The following CNTNAP2 variants were observed in gnomAD, a reference collection of about 807,000 sequenced individuals.
The protein encoded by CNTNAP2 is contactin-associated protein-like 2.
In CNTNAP2, 98 loss-of-function variants were observed where a neutral mutation model predicts 155.2. The observed-to-expected ratio is 0.63, with a 90% CI of 0.54 to 0.75. The LOEUF is 0.75. Ranked by LOEUF, CNTNAP2 falls within the 30% of genes least tolerant of loss-of-function variation. The pLI is 0.00. For missense variants in CNTNAP2, 1,727 were observed against 1,688.1 expected (o/e 1.02, Z -0.40); for synonymous variants, 651 against 631.2 (o/e 1.03, Z -0.47).
intron 1 of CNTNAP2, among the ~76,000 whole-genome samples, chr7:146,592,379 T>C (rs2129149719): frequency 6.6e-6 from 1 of 152,352 alleles, no homozygotes; most frequent in East Asian, 1.9e-4. Context: ...TTACTGCCTG[T>C]GGACCAGATG....
chr7:147,199,599 T>A (rs1802880799), intron 8 of CNTNAP2, among the ~76,000 whole-genome samples: 1 of 149,908 alleles, frequency 6.7e-6, no homozygotes, highest in Non-Finnish European at 1.5e-5. Context: ...TAGAATGGGT[T>A]TTTTTTTTTC....
chr7:146,176,577 T>G (rs1798473744), intron 1 of CNTNAP2, among the ~76,000 whole-genome samples: 1 of 152,264 alleles, frequency 6.6e-6, no homozygotes, highest in Admixed American at 6.5e-5. Flanking sequence ...TCAGAAATTC[T>G]CCATGAAGCT....
intron 15 of CNTNAP2, among the ~76,000 whole-genome samples, chr7:148,086,350 A>G (rs1803729242): frequency 6.6e-6 from 1 of 152,216 alleles, no homozygotes; most frequent in Non-Finnish European, 1.5e-5. Context: ...TCTATAGGTT[A>G]CTTATCTACT....
At chr7:146,646,423 A>C (rs749087393) in intron 1 of CNTNAP2, among the ~76,000 whole-genome samples, 1 of 152,212 alleles carries the variant, frequency 6.6e-6, no homozygotes, top group Non-Finnish European at 1.5e-5. Context: ...GGGTTCAGGT[A>C]TAAATAAATC....
At chr7:147,237,758 CAT>C (rs1464091487) in intron 8 of CNTNAP2, among the ~76,000 whole-genome samples, 1 of 152,176 alleles carries the variant, frequency 6.6e-6, no homozygotes, top group Non-Finnish European at 1.5e-5. Context: ...GAAATTCAGT[CAT>C]ATGTACATTT....
intron 3 of CNTNAP2, among the ~76,000 whole-genome samples, chr7:146,935,460 T>C (rs538787123): frequency 7.2e-4 from 109 of 152,330 alleles, no homozygotes; most frequent in African/African-American, 2.4e-3. Flanking sequence ...GTTCACTCCC[T>C]TTGACCCACA....
chr7:146,442,827 CT>C (rs1796339549), intron 1 of CNTNAP2, among the ~76,000 whole-genome samples: 1 of 152,128 alleles, frequency 6.6e-6, no homozygotes, highest in Non-Finnish European at 1.5e-5. Flanking sequence ...AAGCATTCTT[CT>C]TGTCTTGGGT....
At chr7:148,000,141 GGGAA>G (rs1238683846) in intron 15 of CNTNAP2, among the ~76,000 whole-genome samples, 1 of 152,192 alleles carries the variant, frequency 6.6e-6, no homozygotes, top group Admixed American at 6.5e-5. Context: ...AAAGGATAAA[GGGAA>G]GGTACTTCAG....
chr7:146,297,611 G>C (rs1800534745), intron 1 of CNTNAP2, among the ~76,000 whole-genome samples: 1 of 152,100 alleles, frequency 6.6e-6, no homozygotes, highest in Non-Finnish European at 1.5e-5. Context: ...AGTTTTGAAA[G>C]TTTCAGTAAA....
At chr7:147,457,838 T>A (rs1288994628) in intron 10 of CNTNAP2, among the ~76,000 whole-genome samples, 4 of 61,040 alleles carry the variant, frequency 6.6e-5, no homozygotes, top group African/African-American at 3.8e-4. Context: ...TTTCAATGAA[T>A]CAACAAAAAA....
At chr7:148,134,313 G>T (rs1443355204) in intron 16 of CNTNAP2, among the ~76,000 whole-genome samples, 1 of 152,182 alleles carries the variant, frequency 6.6e-6, no homozygotes, top group Non-Finnish European at 1.5e-5. Flanking sequence ...AATAATAGAA[G>T]CAGTGTATAT....
intron 21 of CNTNAP2, among the ~76,000 whole-genome samples, chr7:148,333,243 C>T (rs1443770599): frequency 6.6e-6 from 1 of 152,198 alleles, no homozygotes; most frequent in Non-Finnish European, 1.5e-5. Context: ...GCCTGGCCGA[C>T]ATGGCAAAAC....
At chr7:146,226,178 T>A (rs1305977855) in intron 1 of CNTNAP2, among the ~76,000 whole-genome samples, 1 of 152,212 alleles carries the variant, frequency 6.6e-6, no homozygotes, top group Non-Finnish European at 1.5e-5. Flanking sequence ...CTACTGAGAT[T>A]ACTAGTCTTA....
chr7:148,118,024 A>G (rs1804513280), intron 15 of CNTNAP2, 94 bp from the exon 16 acceptor site: 18 of 1,267,986 alleles, frequency 1.4e-5, no homozygotes, highest in Non-Finnish European at 1.8e-5. Context: ...ACTATTGCTA[A>G]TGGTACTTAT....
intron 13 of CNTNAP2, among the ~76,000 whole-genome samples, chr7:147,807,986 T>A (rs187749340): frequency 0.026 from 3,844 of 146,624 alleles, 118 homozygotes; most frequent in African/African-American, 0.069. Flanking sequence ...CTTTCTTTTT[T>A]AAAAAAAAAA....
At chr7:147,860,554 C>A (rs1215352344) in intron 13 of CNTNAP2, among the ~76,000 whole-genome samples, 1 of 146,898 alleles carries the variant, frequency 6.8e-6, no homozygotes, top group East Asian at 2.0e-4. Flanking sequence ...CACACCACTG[C>A]ACTCCAGCCT....
intron 11 of CNTNAP2, among the ~76,000 whole-genome samples, chr7:147,557,024 G>A (rs1185640917): frequency 6.6e-6 from 1 of 151,394 alleles, no homozygotes; most frequent in African/African-American, 2.4e-5. Flanking sequence ...GAGGCAGGCG[G>A]GGGTCGGGAG....
chr7:148,049,744 T>C (rs758360964), intron 15 of CNTNAP2, among the ~76,000 whole-genome samples: 1 of 152,258 alleles, frequency 6.6e-6, no homozygotes, highest in Non-Finnish European at 1.5e-5. Context: ...GTGTAGCTTA[T>C]ACAATTATGT....
chr7:148,077,258 G>A (rs1001182869), intron 15 of CNTNAP2, among the ~76,000 whole-genome samples: 1 of 150,604 alleles, frequency 6.6e-6, no homozygotes, highest in Non-Finnish European at 1.5e-5. Context: ...GGTGAGCCGA[G>A]ATCACGCCAT....
Sources: allele counts gnomAD v4.1 joint callset (sites outside exome capture counted in the v4.1 genomes callset), GRCh38; gene constraint gnomAD v4.1.1; transcripts MANE v1.5; gene names NCBI Gene and HGNC (gene_info 2026-07-23, HGNC 2026-07-21).